The following ABI1 variants were observed in gnomAD, a reference collection of about 807,000 sequenced individuals.
ABI1 encodes the protein abl interactor 1.
ABI1 carries 14 observed loss-of-function variants against 54.6 expected under a neutral mutation model. The ratio of observed to expected loss-of-function variants is 0.26; its 90% CI spans 0.17 to 0.40. The LOEUF (loss-of-function observed/expected upper bound fraction) is 0.40, where lower values mean the gene tolerates loss of function less well. Ranked by LOEUF, ABI1 falls within the 10% of genes least tolerant of loss-of-function variation. The probability of loss-of-function intolerance (pLI) is 1.00; values close to 1 mark genes in which losing one functional copy is unlikely to be tolerated. For synonymous variants in ABI1, 194 were observed against 209.3 expected (o/e 0.93, Z 0.63); for missense variants, 443 against 598.3 (o/e 0.74, Z 2.71).
chr10:26,821,116 G>A (rs759410132), intron 2 of ABI1, among the ~76,000 whole-genome samples: 20 of 151,302 alleles, frequency 1.3e-4, no homozygotes, highest in Middle Eastern at 3.4e-3. Context: ...GTGGTGAGGT[G>A]CACCTGTAAT....
In ABI1 at chr10:26,759,077, A is replaced by G. The variant is rs1266081650; in HGVS notation, c.982T>C (p.Tyr328His). 1.9e-6 allele frequency: 3 copies of G among 1,613,312 alleles called. No homozygotes were observed. The Admixed American group carries it at 5.0e-5, about 27-fold the overall frequency. ...AQPHVNGGPL[Y>H]SQNSISIAPP... ...ACAAGCTTACTTGAATTTTGAGAAT[A>G]AAGTGGACCTCCATTAACATGAGGC... Residue 328 changes from tyrosine (Y) to histidine (H), a missense_variant, in exon 8 of 11, where the codon TAT (tyrosine) becomes CAT (histidine). Tyr to His is a moderately conservative substitution (Grantham distance 83). This residue lies in a region of ABI1 where 394 missense variants were observed against 484.8 expected (regional missense o/e 0.81). Coordinates refer to ENST00000376140, the MANE Select transcript of ABI1 (RefSeq NM_001012750.3).
rs571268846 is a variant in ABI1 at position 26,834,548 on chromosome 10, A to AACACACACAC, written c.118-11253_118-11244dup. On this transcript the variant is annotated intron_variant, in intron 1 of 10. Coordinates refer to ENST00000376140, the MANE Select transcript of ABI1 (RefSeq NM_001012750.3). ...GACAGATACTTCTCAAGACATACAA[A>AACACACACAC]ACACACACACACACACACACACACA... Among the ~76,000 whole-genome samples, 175 of 138,622 alleles carry AACACACACAC rather than the reference A, an allele frequency of 1.3e-3. 1 individual carries two copies. The highest frequency in any genetic ancestry group is 2.9e-3 in the African/African-American group (107 of 36,864). 90.9% of individuals were successfully genotyped at this position (138,622 alleles called of 152,430 possible). A position where few individuals can be genotyped will look rare whatever the true frequency, so the allele number is the denominator to read the frequency against.
intron 1 of ABI1, among the ~76,000 whole-genome samples, chr10:26,851,112 T>C (rs1589080840): frequency 6.6e-6 from 1 of 152,168 alleles, no homozygotes; most frequent in East Asian, 1.9e-4. Context: ...TTTTGCAACA[T>C]GGAGGTTATT....
chr10:26,771,184 T>C lies in ABI1; in HGVS notation c.463-95A>G, dbSNP rs183734879. 4.8e-5 allele frequency: 64 copies of C among 1,343,554 alleles called. No homozygotes were observed. The Admixed American group carries it at 1.1e-3, about 24-fold the overall frequency. The allele number at this position is 1,343,554 out of a possible 1,614,324, so 83.2% of individuals were successfully genotyped here. A position where few individuals can be genotyped will look rare whatever the true frequency, so the allele number is the denominator to read the frequency against. Reference sequence around the variant, plus strand: ...AGGTTTACATTTACAGTTACTCAATTCATGTTAATAAGCTTTTTTCCAGCC... The same window carrying C: ...AGGTTTACATTTACAGTTACTCAATCCATGTTAATAAGCTTTTTTCCAGCC... On this transcript the variant is annotated intron_variant, in intron 3 of 10. Transcript: ENST00000376140.
At chr10:26,807,350 C>T (rs2046941647) in intron 2 of ABI1, among the ~76,000 whole-genome samples, 1 of 152,068 alleles carries the variant, frequency 6.6e-6, no homozygotes, top group African/African-American at 2.4e-5. Flanking sequence ...TGGTGCATGC[C>T]TGTAGTCCCA....
At chr10:26,783,401 C>T (rs2133040050) in intron 2 of ABI1, among the ~76,000 whole-genome samples, 1 of 152,324 alleles carries the variant, frequency 6.6e-6, no homozygotes, top group East Asian at 1.9e-4. Flanking sequence ...CTATACTTAA[C>T]ACCACTGAAC....
chr10:26,758,848 A>T (rs1838722093), intron 8 of ABI1, among the ~76,000 whole-genome samples: 1 of 152,238 alleles, frequency 6.6e-6, no homozygotes, highest in African/African-American at 2.4e-5. Context: ...AAATTTAGTT[A>T]AGTATACTTG....
chr10:26,860,907 A>G lies in ABI1; in HGVS notation c.-44T>C, dbSNP rs910141731. 6.3e-7 allele frequency: 1 copy of G among 1,575,230 alleles called. No homozygotes were observed. Among genetic ancestry groups the G allele is most frequent in the Admixed American group, 1.7e-5 (1 of 59,944 alleles). On this transcript the variant is annotated 5_prime_UTR_variant, in exon 1 of 11. Coordinates refer to ENST00000376140, the MANE Select transcript of ABI1 (RefSeq NM_001012750.3). The surrounding 1 kb of genome is among the most constrained non-coding windows in gnomAD (Gnocchi z 4.1). The stretch of plus-strand genomic sequence containing the variant: ...GCTTCCTCTCGCGTTAAAGAGACAG[A>G]GGCAGCAAGGTCCGCCGAGGCTCCG...
intron 10 of ABI1, among the ~76,000 whole-genome samples, chr10:26,750,158 A>G (rs1048115982): frequency 1.3e-5 from 2 of 152,232 alleles, no homozygotes; most frequent in Non-Finnish European, 2.9e-5. Context: ...GGGAATCTCA[A>G]GTAGAATATT....
intron 1 of ABI1, among the ~76,000 whole-genome samples, chr10:26,845,917 C>A (rs796199545): frequency 4.5e-4 from 69 of 152,076 alleles, no homozygotes; most frequent in African/African-American, 1.6e-3. Flanking sequence ...CCGAGGCAGG[C>A]AGAGCACCTG....
rs538706004 is a variant in ABI1 at position 26,853,059 on chromosome 10, A to T, written c.117+7688T>A. On this transcript the variant is annotated intron_variant, in intron 1 of 10. Transcript: ENST00000376140. ...AAAGTACTTATTTGGATTGACACAC[A>T]GTAGTCAAATCTCAAGTCTCCATTC... Among the ~76,000 whole-genome samples, 8 of 152,280 alleles carry T rather than the reference A, an allele frequency of 5.3e-5. No individual in the cohort carries two copies. The South Asian group carries it at 1.5e-3, about 28-fold the overall frequency.
At chr10:26,820,189 G>A (rs115093539) in intron 2 of ABI1, among the ~76,000 whole-genome samples, 3,139 of 152,186 alleles carry the variant, frequency 0.021, 78 homozygotes, top group African/African-American at 0.065. Context: ...AAATGCTCTC[G>A]CCACACACAA....
At chr10:26,827,277 A>T (rs1167855141) in intron 1 of ABI1, among the ~76,000 whole-genome samples, 1 of 149,148 alleles carries the variant, frequency 6.7e-6, no homozygotes, top group East Asian at 2.0e-4. Flanking sequence ...GCTGGAGTGC[A>T]GTGGCGTGAT....
chr10:26,774,409 C>A (rs1841120446), intron 3 of ABI1, among the ~76,000 whole-genome samples: 1 of 152,118 alleles, frequency 6.6e-6, no homozygotes, highest in Non-Finnish European at 1.5e-5. Flanking sequence ...ATGTAAATTT[C>A]TTTGCTAAGT....
At chr10:26,840,211 CA>C (rs1453677837) in intron 1 of ABI1, among the ~76,000 whole-genome samples, 1 of 152,038 alleles carries the variant, frequency 6.6e-6, no homozygotes, top group Non-Finnish European at 1.5e-5. Flanking sequence ...TTGGGGTCCT[CA>C]GGTAAATTCT....
chr10:26,767,427 C>A (rs1244989276), intron 6 of ABI1, among the ~76,000 whole-genome samples: 1 of 152,106 alleles, frequency 6.6e-6, no homozygotes, highest in East Asian at 1.9e-4. Context: ...AGGTTCCCTG[C>A]CCACGTTATT....
At chr10:26,752,660 T>C (rs1211251284) in intron 9 of ABI1, among the ~76,000 whole-genome samples, 4 of 152,246 alleles carry the variant, frequency 2.6e-5, no homozygotes, top group Middle Eastern at 3.4e-3. Context: ...AAATGACTCA[T>C]ACCTCAAACT....
intron 1 of ABI1, among the ~76,000 whole-genome samples, chr10:26,828,600 A>G (rs1390463167): frequency 6.6e-6 from 1 of 152,236 alleles, no homozygotes; most frequent in East Asian, 1.9e-4. Flanking sequence ...AAATGAGCCT[A>G]ACTGTGCATC....
At chr10:26,826,849 G>C (rs952620461) in intron 1 of ABI1, among the ~76,000 whole-genome samples, 2 of 151,948 alleles carry the variant, frequency 1.3e-5, no homozygotes, top group African/African-American at 4.8e-5. Context: ...TCACAGAACT[G>C]AACAGTTAGG....
Sources: gnomAD v4.1 joint callset for allele counts (sites outside exome capture counted in the v4.1 genomes callset) on GRCh38, gnomAD v4.1.1 for gene constraint, gnomAD v4.1.1 regional missense constraint, Gnocchi (gnomAD v3.1) non-coding constraint, MANE v1.5 for transcripts, NCBI Gene and HGNC (gene_info 2026-07-23, HGNC 2026-07-21) for gene names.